Variants in SEMA3E observed in about 807,000 individuals in gnomAD.
SEMA3E encodes the protein semaphorin 3E.
SEMA3E carries 49 observed loss-of-function variants against 93.6 expected under a neutral mutation model. The observed-to-expected ratio is 0.52, with a 90% CI of 0.42 to 0.66. SEMA3E has a LOEUF of 0.66. SEMA3E is among the 30% of genes least tolerant of loss of function. The pLI is 0.00. For synonymous variants in SEMA3E, 363 were observed against 330.7 expected (o/e 1.10, Z -1.06); for missense variants, 906 against 964.8 (o/e 0.94, Z 0.81).
chr7:83,515,827 A>G (rs975265666), intron 1 of SEMA3E, among the ~76,000 whole-genome samples: 1 of 152,142 alleles, frequency 6.6e-6, no homozygotes, highest in Non-Finnish European at 1.5e-5. Flanking sequence ...CAGGAGTTCG[A>G]GACCAGCCTG....
intron 1 of SEMA3E, among the ~76,000 whole-genome samples, chr7:83,598,920 A>G (rs778725399): frequency 5.9e-5 from 9 of 152,220 alleles, no homozygotes; most frequent in Non-Finnish European, 8.8e-5. Context: ...CACTCATTAA[A>G]TGTCAGTTAA....
chr7:83,606,513 C>CA (rs1236928991), intron 1 of SEMA3E, among the ~76,000 whole-genome samples: 1 of 144,630 alleles, frequency 6.9e-6, no homozygotes, highest in Non-Finnish European at 1.5e-5. Flanking sequence ...ATCGCAAGAA[C>CA]AAAAAACCAA....
In SEMA3E at chr7:83,402,786, A is replaced by G. The variant is rs371994521; in HGVS notation, c.999-10T>C. ...CCCTCGAAAAATATTACTGAAAAAT[A>G]CAAAAAAGATAATTATTCTTCTGGA... On this transcript the variant is annotated splice_polypyrimidine_tract_variant and intron_variant, in intron 9 of 16. Coordinates refer to ENST00000643230, the MANE Select transcript of SEMA3E (RefSeq NM_012431.3). 62 of 1,610,098 alleles carry G rather than the reference A, an allele frequency of 3.9e-5. No individual in the cohort carries two copies. Among genetic ancestry groups the G allele is most frequent in the Non-Finnish European group, 5.2e-5 (61 of 1,177,642 alleles).
chr7:83,377,643 C>T (rs368613496), intron 16 of SEMA3E, among the ~76,000 whole-genome samples: 24 of 151,956 alleles, frequency 1.6e-4, no homozygotes, highest in East Asian at 1.4e-3. Flanking sequence ...TAACATATTC[C>T]TAAGACAGAA....
chr7:83,368,207 C>CTGTG (rs777598620), intron 16 of SEMA3E, among the ~76,000 whole-genome samples, 169 bp from the exon 17 acceptor site: 36 of 129,176 alleles, frequency 2.8e-4, no homozygotes, highest in Non-Finnish European at 5.3e-4. Context: ...CTCTCTCTCT[C>CTGTG]TCTGTGTGTG....
chr7:83,426,757 G>A (rs528006523), intron 4 of SEMA3E, among the ~76,000 whole-genome samples: 4 of 152,234 alleles, frequency 2.6e-5, no homozygotes, highest in South Asian at 2.1e-4. Flanking sequence ...ATTATGCTAC[G>A]TTGTACATGC....
At chr7:83,489,304 G>T (rs1352239618) in intron 2 of SEMA3E, among the ~76,000 whole-genome samples, 1 of 151,932 alleles carries the variant, frequency 6.6e-6, no homozygotes, top group East Asian at 1.9e-4. Context: ...TTTGAAATAT[G>T]TAGGGAAGAA....
intron 10 of SEMA3E, among the ~76,000 whole-genome samples, chr7:83,401,130 T>C (rs1028551925): frequency 3.3e-5 from 5 of 152,154 alleles, no homozygotes; most frequent in Admixed American, 6.6e-5. Context: ...ACAAGAAATA[T>C]GTGTTATGTC....
At chr7:83,648,331 G>A (rs1346638836) in intron 1 of SEMA3E, 97 bp downstream of exon 1, 12 of 838,514 alleles carry the variant, frequency 1.4e-5, no homozygotes, top group Non-Finnish European at 2.1e-5. Flanking sequence ...GGTCTTTGAA[G>A]ACCATAAGCC....
At chr7:83,417,536 T>C (rs1584234744) in intron 5 of SEMA3E, among the ~76,000 whole-genome samples, 1 of 152,122 alleles carries the variant, frequency 6.6e-6, no homozygotes, top group African/African-American at 2.4e-5. Flanking sequence ...ACATTATAAA[T>C]GTAATAATGC....
intron 1 of SEMA3E, among the ~76,000 whole-genome samples, chr7:83,500,590 CTT>C (rs371350850): frequency 9.9e-6 from 1 of 100,612 alleles, no homozygotes; most frequent in Non-Finnish European, 1.9e-5. Context: ...AACTTTCTTC[CTT>C]TTTTTTTTTT....
intron 11 of SEMA3E, among the ~76,000 whole-genome samples, chr7:83,398,230 A>G (rs1788163570): frequency 6.6e-6 from 1 of 152,174 alleles, no homozygotes; most frequent in South Asian, 2.1e-4. Context: ...TTTGATCAAT[A>G]TGACAAGCAA....
chr7:83,562,468 A>T (rs1054654148), intron 1 of SEMA3E, among the ~76,000 whole-genome samples: 1 of 140,970 alleles, frequency 7.1e-6, no homozygotes, highest in South Asian at 2.2e-4. Context: ...CTTCCTTTTT[A>T]TTTATTTATT....
intron 1 of SEMA3E, among the ~76,000 whole-genome samples, chr7:83,566,351 C>T (rs189764078): frequency 1.4e-3 from 212 of 152,102 alleles, no homozygotes; most frequent in Non-Finnish European, 2.1e-3. Context: ...CTCTTTTAAC[C>T]CTTTCTCGTA....
chr7:83,436,508 T>C (rs1048163533), intron 4 of SEMA3E, among the ~76,000 whole-genome samples: 1 of 151,764 alleles, frequency 6.6e-6, no homozygotes, highest in Non-Finnish European at 1.5e-5. Flanking sequence ...CATATACATA[T>C]ATATATATTT....
chr7:83,420,428 A>AT (rs1313931202), intron 4 of SEMA3E, among the ~76,000 whole-genome samples: 1 of 152,164 alleles, frequency 6.6e-6, no homozygotes, highest in African/African-American at 2.4e-5. Context: ...TATCAACATC[A>AT]TTTTTCACAG....
intron 1 of SEMA3E, among the ~76,000 whole-genome samples, chr7:83,548,703 C>T (rs1221245236): frequency 6.6e-6 from 1 of 152,090 alleles, no homozygotes; most frequent in Admixed American, 6.6e-5. Flanking sequence ...GAGATTCTTA[C>T]TGAGGCTGAC....
intron 16 of SEMA3E, among the ~76,000 whole-genome samples, chr7:83,379,805 A>C (rs1014106849): frequency 6.6e-6 from 1 of 151,974 alleles, no homozygotes; most frequent in Admixed American, 6.6e-5. Flanking sequence ...CAATAAAAAT[A>C]TCTCCTTCAT....
chr7:83,596,101 A>G (rs1792867396), intron 1 of SEMA3E, among the ~76,000 whole-genome samples: 1 of 151,912 alleles, frequency 6.6e-6, no homozygotes, highest in Non-Finnish European at 1.5e-5. Context: ...TTATTCAGTT[A>G]CTTATTTATA....
Sources: gnomAD v4.1 joint callset for allele counts (sites outside exome capture counted in the v4.1 genomes callset) on GRCh38, gnomAD v4.1.1 for gene constraint, MANE v1.5 for transcripts, NCBI Gene and HGNC (gene_info 2026-07-23, HGNC 2026-07-21) for gene names.